The following KCND2 variants were observed in gnomAD, a reference collection of about 807,000 sequenced individuals.
The protein encoded by KCND2 is potassium voltage-gated channel subfamily D member 2.
A neutral mutation model predicts 54.4 loss-of-function variants in KCND2; 16 were observed. That is an observed-to-expected ratio of 0.29 (90% CI 0.20 to 0.45). The LOEUF (loss-of-function observed/expected upper bound fraction) is 0.45. Ranked by LOEUF, KCND2 falls within the 20% of genes least tolerant of loss-of-function variation. The pLI is 1.00. For synonymous variants in KCND2, 317 were observed against 310.7 expected (o/e 1.02, Z -0.21); for missense variants, 486 against 824.2 (o/e 0.59, Z 5.02).
chr7:120,705,064 G>A (rs1402816848), intron 1 of KCND2, among the ~76,000 whole-genome samples: 1 of 152,112 alleles, frequency 6.6e-6, no homozygotes, highest in East Asian at 1.9e-4. Context: ...TATTAGATGT[G>A]AGTTTACCAG....
intron 1 of KCND2, among the ~76,000 whole-genome samples, chr7:120,473,544 C>T (rs751781427): frequency 6.6e-5 from 10 of 152,172 alleles, no homozygotes; most frequent in Non-Finnish European, 1.3e-4. Flanking sequence ...TCCTCCACCC[C>T]CAGCTATTCT....
chr7:120,341,089 A>G (rs1196025970), intron 1 of KCND2, among the ~76,000 whole-genome samples: 1 of 152,186 alleles, frequency 6.6e-6, no homozygotes, highest in African/African-American at 2.4e-5. Context: ...AACAGAGTAT[A>G]TGAGTTTGGT....
At chr7:120,344,100 T>G (rs959392816) in intron 1 of KCND2, among the ~76,000 whole-genome samples, 2 of 152,174 alleles carry the variant, frequency 1.3e-5, no homozygotes, top group African/African-American at 2.4e-5. Context: ...GAATCCTATT[T>G]CCTATTGTCA....
At chr7:120,695,816 T>C (rs1792326332) in intron 1 of KCND2, among the ~76,000 whole-genome samples, 1 of 152,224 alleles carries the variant, frequency 6.6e-6, no homozygotes. Context: ...GAATGCAAAG[T>C]ATCTCAAAGT....
intron 1 of KCND2, among the ~76,000 whole-genome samples, chr7:120,732,496 A>G (rs1792820174): frequency 6.6e-6 from 1 of 152,158 alleles, no homozygotes; most frequent in South Asian, 2.1e-4. Context: ...TTCTACTTAA[A>G]TTTCATAACC....
At chr7:120,606,990 A>G (rs570001506) in intron 1 of KCND2, among the ~76,000 whole-genome samples, 2 of 152,220 alleles carry the variant, frequency 1.3e-5, no homozygotes, top group East Asian at 1.9e-4. Flanking sequence ...AGATTATTGT[A>G]TCTTGGATTA....
intron 1 of KCND2, among the ~76,000 whole-genome samples, chr7:120,465,687 G>C (rs1802358666): frequency 2.0e-5 from 3 of 152,168 alleles, no homozygotes; most frequent in South Asian, 2.1e-4. Context: ...CTGTCTGTCT[G>C]TCTGAAAATC....
At chr7:120,409,238 T>C (rs1402822382) in intron 1 of KCND2, among the ~76,000 whole-genome samples, 2 of 151,944 alleles carry the variant, frequency 1.3e-5, no homozygotes, top group Admixed American at 6.6e-5. Context: ...GGAAAAGATA[T>C]TTAACCACTG....
intron 1 of KCND2, among the ~76,000 whole-genome samples, chr7:120,670,652 CAT>C (rs1197797251): frequency 5.9e-5 from 9 of 152,140 alleles, no homozygotes; most frequent in African/African-American, 1.9e-4. Context: ...CGCGGTGGCT[CAT>C]GTCTGTAATC....
At position 120,750,105 on chromosome 7, in the gene KCND2, G is replaced by A. The variant is rs1368945728; in HGVS notation, c.*2247G>A. On this transcript the variant is annotated 3_prime_UTR_variant, in exon 6 of 6. Transcript: ENST00000331113. ...GTTTTAGGTGATTTAAAAATATACC[G>A]TGTTGGTGGTGAATGACTATTGATG... 2 of 152,256 alleles carry A rather than the reference G, an allele frequency of 1.3e-5. No individual in the cohort carries two copies. The highest frequency in any genetic ancestry group is 2.9e-5 in the Non-Finnish European group (2 of 67,836). The allele number at this position is 152,256 out of a possible 1,614,324, so 9.4% of individuals were successfully genotyped here. A position where few individuals can be genotyped will look rare whatever the true frequency, so the allele number is the denominator to read the frequency against.
At chr7:120,641,170 G>T (rs1793366266) in intron 1 of KCND2, among the ~76,000 whole-genome samples, 1 of 152,050 alleles carries the variant, frequency 6.6e-6, no homozygotes, top group African/African-American at 2.4e-5. Flanking sequence ...TAAGCCAGCT[G>T]CTTAGTTAAC....
At chr7:120,291,081 C>T (rs1315615995) in intron 1 of KCND2, among the ~76,000 whole-genome samples, 1 of 151,848 alleles carries the variant, frequency 6.6e-6, no homozygotes, top group Non-Finnish European at 1.5e-5. Flanking sequence ...ATCATTGTGG[C>T]ACAAGTAATC....
intron 1 of KCND2, among the ~76,000 whole-genome samples, chr7:120,289,069 CACACACACAGAG>C (rs58438405): frequency 0.68 from 94,294 of 139,412 alleles, 34,043 homozygotes; most frequent in South Asian, 0.88. Flanking sequence ...CACACACACA[CACACACACAGAG>C]AGAGAGAGAG....
chr7:120,609,982 A>G (rs776192230), intron 1 of KCND2, among the ~76,000 whole-genome samples: 1 of 152,140 alleles, frequency 6.6e-6, no homozygotes, highest in African/African-American at 2.4e-5. Context: ...TGGACATACA[A>G]TGCTATTTTT....
intron 1 of KCND2, among the ~76,000 whole-genome samples, chr7:120,368,062 T>A (rs1800712800): frequency 6.6e-6 from 1 of 152,156 alleles, no homozygotes; most frequent in Admixed American, 6.6e-5. Flanking sequence ...ATCTTTTCTC[T>A]GTGATTGGTC....
At position 120,385,588 on chromosome 7, in the gene KCND2, C is replaced by T. The variant is rs547960145; in HGVS notation, c.1115+109841C>T. ...AGAAAGGTCACTCAGTTATTCTGAA[C>T]GCTTGGCCTTCAAAGCCAATAACTT... On this transcript the variant is annotated intron_variant, in intron 1 of 5. Transcript: ENST00000331113. Among the ~76,000 whole-genome samples the T allele has an allele frequency of 4.6e-5, 7 of 152,148 alleles. No homozygotes were observed. The East Asian group carries it at 5.8e-4, about 13-fold the overall frequency.
intron 1 of KCND2, among the ~76,000 whole-genome samples, chr7:120,639,963 A>G (rs1353307230): frequency 1.3e-5 from 2 of 152,174 alleles, no homozygotes; most frequent in East Asian, 3.9e-4. Context: ...AAATGTTTCT[A>G]TAACTCTCAT....
At chr7:120,458,399 G>A (rs960172917) in intron 1 of KCND2, among the ~76,000 whole-genome samples, 1 of 152,150 alleles carries the variant, frequency 6.6e-6, no homozygotes, top group Non-Finnish European at 1.5e-5. Context: ...AGATGAGAGA[G>A]TTGTCACAAC....
chr7:120,448,798 A>G (rs1266465251), intron 1 of KCND2, among the ~76,000 whole-genome samples: 1 of 152,214 alleles, frequency 6.6e-6, no homozygotes. Flanking sequence ...GTAATCCATC[A>G]TATAAACGGA....
Sources: gnomAD v4.1 joint callset for allele counts (sites outside exome capture counted in the v4.1 genomes callset) on GRCh38, gnomAD v4.1.1 for gene constraint, MANE v1.5 for transcripts, NCBI Gene and HGNC (gene_info 2026-07-23, HGNC 2026-07-21) for gene names.